DSCAM: variants seen among roughly 807,000 people sequenced by gnomAD.
DSCAM encodes DS cell adhesion molecule.
In DSCAM, 47 loss-of-function variants were observed where a neutral mutation model predicts 217.7. The ratio of observed to expected loss-of-function variants is 0.22; its 90% CI spans 0.17 to 0.28. The LOEUF is 0.28. Ranked by LOEUF, DSCAM falls within the 10% of genes least tolerant of loss-of-function variation. The pLI, the probability that DSCAM is intolerant of heterozygous loss-of-function variation, is 1.00. For synonymous variants in DSCAM, 1,056 were observed against 1,015.3 expected (o/e 1.04, Z -0.76); for missense variants, 2,080 against 2,618.3 (o/e 0.79, Z 4.49).
chr21:40,489,501 G>A (rs887609052), intron 3 of DSCAM, among the ~76,000 whole-genome samples: 10 of 152,094 alleles, frequency 6.6e-5, no homozygotes, highest in Admixed American at 2.0e-4. Context: ...AGGGCCGGGC[G>A]CGGTGGCTCA....
intron 1 of DSCAM, among the ~76,000 whole-genome samples, chr21:40,781,871 G>T (rs1417673827): frequency 6.6e-6 from 1 of 151,810 alleles, no homozygotes; most frequent in Admixed American, 6.6e-5. Flanking sequence ...TCTCTTGGCT[G>T]GGCGCGGTGG....
intron 3 of DSCAM, among the ~76,000 whole-genome samples, chr21:40,474,313 A>AT (rs2075914812): frequency 7.8e-6 from 1 of 127,612 alleles, no homozygotes; most frequent in African/African-American, 2.8e-5. Context: ...TATAATAAAT[A>AT]TTAAAAAAAA....
intron 3 of DSCAM, among the ~76,000 whole-genome samples, chr21:40,559,448 G>A (rs1255322671): frequency 7.8e-6 from 1 of 128,636 alleles, no homozygotes. Flanking sequence ...AAAAGAGCGA[G>A]ACCCCGTCTC....
At chr21:40,330,983 T>C (rs2074372387) in intron 8 of DSCAM, among the ~76,000 whole-genome samples, 2 of 152,320 alleles carry the variant, frequency 1.3e-5, no homozygotes, top group South Asian at 2.1e-4. Context: ...TATGAAAATA[T>C]GTGGATGACT....
At chr21:40,317,072 G>T (rs1466424894) in intron 8 of DSCAM, among the ~76,000 whole-genome samples, 1 of 152,214 alleles carries the variant, frequency 6.6e-6, no homozygotes, top group Non-Finnish European at 1.5e-5. Context: ...TTATCAGCTT[G>T]CATTGAAATA....
intron 19 of DSCAM, among the ~76,000 whole-genome samples, chr21:40,125,584 T>A (rs1159719161): frequency 6.6e-6 from 1 of 152,224 alleles, no homozygotes; most frequent in Admixed American, 6.5e-5. Flanking sequence ...TAAGTCTGCA[T>A]AACAAAACCA....
chr21:40,454,581 T>C (rs930290334), intron 3 of DSCAM, among the ~76,000 whole-genome samples: 3 of 152,162 alleles, frequency 2.0e-5, no homozygotes, highest in African/African-American at 4.8e-5. Flanking sequence ...CGGGGAAGTG[T>C]TTAATAGCTG....
intron 3 of DSCAM, among the ~76,000 whole-genome samples, chr21:40,572,079 TGTGTGG>T (rs1043523110): frequency 8.2e-4 from 65 of 79,462 alleles, no homozygotes; most frequent in East Asian, 1.7e-3. Context: ...AACATGTGTG[TGTGTGG>T]GTGTGTGTGT....
At chr21:40,723,794 T>C (rs1260847920) in intron 1 of DSCAM, among the ~76,000 whole-genome samples, 1 of 152,198 alleles carries the variant, frequency 6.6e-6, no homozygotes, top group Non-Finnish European at 1.5e-5. Context: ...ACAAAAAGAA[T>C]TTCTGAGGTG....
chr21:40,356,400 T>C (rs1297236136), intron 4 of DSCAM, among the ~76,000 whole-genome samples: 1 of 151,330 alleles, frequency 6.6e-6, no homozygotes, highest in African/African-American at 2.4e-5. Flanking sequence ...TATATATATA[T>C]ATATATATGC....
chr21:40,249,380 C>G (rs568324030), intron 11 of DSCAM, among the ~76,000 whole-genome samples: 2 of 152,244 alleles, frequency 1.3e-5, no homozygotes, highest in African/African-American at 4.8e-5. Flanking sequence ...TCAGAGGTTT[C>G]TGCTTTTGCA....
At chr21:40,391,747 T>A (rs2075135839) in intron 3 of DSCAM, among the ~76,000 whole-genome samples, 1 of 152,230 alleles carries the variant, frequency 6.6e-6, no homozygotes. Context: ...TAGAGAAGTG[T>A]ATTACCACAT....
chr21:40,287,005 T>G (rs2073835571), intron 10 of DSCAM, among the ~76,000 whole-genome samples: 1 of 143,390 alleles, frequency 7.0e-6, no homozygotes, highest in African/African-American at 3.0e-5. Context: ...ATCTGCAGTA[T>G]GATCTGCAGG....
chr21:40,216,658 A>G (rs2091246288), intron 11 of DSCAM, among the ~76,000 whole-genome samples: 1 of 152,192 alleles, frequency 6.6e-6, no homozygotes, highest in Admixed American at 6.5e-5. Flanking sequence ...AAGGAATATC[A>G]CTTAAATTGT....
chr21:40,296,323 G>T (rs1388084596), intron 9 of DSCAM, 149 bp from the exon 10 acceptor site: 1 of 1,011,324 alleles, frequency 9.9e-7, no homozygotes, highest in African/African-American at 1.7e-5. Context: ...TTGGCAGTTT[G>T]GGACAAATTA....
chr21:40,122,986 G>A (rs1408334236), intron 20 of DSCAM, among the ~76,000 whole-genome samples: 2 of 152,174 alleles, frequency 1.3e-5, no homozygotes, highest in East Asian at 1.9e-4. Flanking sequence ...AGATTCCATC[G>A]CATGCTACAA....
intron 10 of DSCAM, among the ~76,000 whole-genome samples, chr21:40,284,409 C>T (rs938253844): frequency 5.3e-5 from 8 of 152,144 alleles, no homozygotes; most frequent in African/African-American, 1.7e-4. Flanking sequence ...TTTAGCACTA[C>T]CACTTTCCCT....
intron 3 of DSCAM, among the ~76,000 whole-genome samples, chr21:40,633,728 C>A (rs1169478389): frequency 6.6e-6 from 1 of 152,138 alleles, no homozygotes; most frequent in African/African-American, 2.4e-5. Flanking sequence ...AGGCTAAGAA[C>A]TGTTTGATGG....
chr21:40,631,379 C>T (rs2089689471), intron 3 of DSCAM, among the ~76,000 whole-genome samples: 2 of 152,242 alleles, frequency 1.3e-5, no homozygotes, highest in Admixed American at 1.3e-4. Context: ...TCCAGTCTTT[C>T]ACTCCCACAT....
Sources: allele counts gnomAD v4.1 joint callset (sites outside exome capture counted in the v4.1 genomes callset), GRCh38; gene constraint gnomAD v4.1.1; transcripts MANE v1.5; gene names NCBI Gene and HGNC (gene_info 2026-07-23, HGNC 2026-07-21).